Variants in CHKA observed in about 807,000 individuals in gnomAD.
CHKA encodes CHETK-alpha.
In CHKA, 34 loss-of-function variants were observed where a neutral mutation model predicts 60.1. That is an observed-to-expected ratio of 0.57 (90% confidence interval 0.43 to 0.75). The LOEUF is 0.75. CHKA is among the 30% of genes least tolerant of loss of function. The pLI is 0.00. For synonymous variants in CHKA, 217 were observed against 223.1 expected, an observed-to-expected ratio of 0.97 and a Z score of 0.24; for missense variants, 563 against 561.3, an observed-to-expected ratio of 1.00 and a Z score of -0.03.
intron 4 of CHKA, among the ~76,000 whole-genome samples, chr11:68,072,713 T>C (rs1188807300): frequency 2.0e-5 from 3 of 152,134 alleles, no homozygotes; most frequent in Non-Finnish European, 4.4e-5. Context: ...TCACTATGGC[T>C]GGGTGCAGTG....
chr11:68,070,539 G>A (rs1020479005), intron 5 of CHKA, among the ~76,000 whole-genome samples, 185 bp downstream of exon 5: 1 of 152,100 alleles, frequency 6.6e-6, no homozygotes, highest in African/African-American at 2.4e-5. Flanking sequence ...TTCTTTCCTG[G>A]TTTAGGAATT....
intron 1 of CHKA, among the ~76,000 whole-genome samples, chr11:68,102,986 T>A (rs1461954036): frequency 6.7e-6 from 1 of 148,418 alleles, no homozygotes; most frequent in Non-Finnish European, 1.5e-5. Flanking sequence ...AAAAAAAAAA[T>A]ATATTTGCCC....
At chr11:68,089,289 C>T (rs1857277465) in intron 2 of CHKA, among the ~76,000 whole-genome samples, 1 of 152,156 alleles carries the variant, frequency 6.6e-6, no homozygotes, top group African/African-American at 2.4e-5. Context: ...CTAAGTATCC[C>T]AAAGGTTGAC....
chr11:68,073,932 A>C (rs182645677), intron 4 of CHKA, among the ~76,000 whole-genome samples: 223 of 152,306 alleles, frequency 1.5e-3, no homozygotes, highest in African/African-American at 5.3e-3. Context: ...ATCTAGGAAG[A>C]GAGTGCAGGC....
intron 2 of CHKA, among the ~76,000 whole-genome samples, chr11:68,090,835 A>C (rs148111296): frequency 6.6e-6 from 1 of 152,208 alleles, no homozygotes; most frequent in East Asian, 1.9e-4. Context: ...GAGACCGCTC[A>C]TAACGGTGAG....
intron 3 of CHKA, 91 bp from the exon 4 acceptor site, chr11:68,074,921 C>A: frequency 1.8e-6 from 2 of 1,104,476 alleles, no homozygotes; most frequent in South Asian, 1.3e-5. Context: ...TTCATCTGAT[C>A]CTCATGAGTA....
chr11:68,110,027 T>A (rs1252172985), intron 1 of CHKA, among the ~76,000 whole-genome samples: 1 of 152,082 alleles, frequency 6.6e-6, no homozygotes, highest in Non-Finnish European at 1.5e-5. Context: ...AATCACATGA[T>A]CATATCAATA....
chr11:68,121,328 T>TGCGGCGGCG lies in CHKA; in HGVS notation c.-152_-151insCGCCGCCGC. On this transcript the variant is annotated 5_prime_UTR_variant, in exon 1 of 12. Transcript: ENST00000265689. ...GGGCGCGCGGGGCGGCGGCGGCGGCTGCGGCGACTGCGGCGACTGTGGAGC... is the reference window on the plus strand; with the variant it reads ...GGGCGCGCGGGGCGGCGGCGGCGGCTGCGGCGGCGGCGGCGACTGCGGCGACTGTGGAGC... 3.6e-6 allele frequency: 1 copy of TGCGGCGGCG among 281,142 alleles called. No individual in the cohort carries two copies. Among genetic ancestry groups the TGCGGCGGCG allele is most frequent in the Non-Finnish European group, 5.5e-6 (1 of 182,194 alleles). 17.4% of individuals were successfully genotyped at this position (281,142 alleles called of 1,614,324 possible).
At chr11:68,094,980 T>C (rs1185915402) in intron 2 of CHKA, among the ~76,000 whole-genome samples, 1 of 152,194 alleles carries the variant, frequency 6.6e-6, no homozygotes, top group Admixed American at 6.5e-5. Flanking sequence ...AAACATATAA[T>C]CAAATATCAT....
chr11:68,070,719 C>G lies in CHKA; in HGVS notation c.764+5G>C. ...ATGTTAGGACCAAGTGATTTGACCACTTACTTTTCCATTGTGCCAAAAAGC... is the reference window on the plus strand; with the variant it reads ...ATGTTAGGACCAAGTGATTTGACCAGTTACTTTTCCATTGTGCCAAAAAGC... On this transcript the variant is annotated splice_donor_5th_base_variant and intron_variant, in intron 5 of 11. Coordinates refer to ENST00000265689, the MANE Select transcript of CHKA (RefSeq NM_001277.3). 2.5e-6 allele frequency: 4 copies of G among 1,608,666 alleles called. No homozygotes were observed. Among genetic ancestry groups the G allele is most frequent in the Non-Finnish European group, 3.4e-6 (4 of 1,175,366 alleles).
intron 1 of CHKA, among the ~76,000 whole-genome samples, chr11:68,101,444 A>G (rs1857718876): frequency 6.6e-6 from 1 of 152,188 alleles, no homozygotes; most frequent in African/African-American, 2.4e-5. Context: ...AACTATGAGA[A>G]CTAATAAGTT....
At chr11:68,120,169 C>T (rs750277290) in intron 1 of CHKA, among the ~76,000 whole-genome samples, 2 of 149,522 alleles carry the variant, frequency 1.3e-5, no homozygotes, top group Non-Finnish European at 2.9e-5. Flanking sequence ...GCCGTGGTTG[C>T]AGTGAGCCGA....
chr11:68,121,355 G>T lies in CHKA; in HGVS notation c.-178C>A. 2 of 170,128 alleles carry T rather than the reference G, an allele frequency of 1.2e-5. No individual in the cohort carries two copies. The highest frequency in any genetic ancestry group is 2.3e-4 in the South Asian group (1 of 4,412). 10.5% of individuals were successfully genotyped at this position (170,128 alleles called of 1,614,324 possible). ...CGGCGACTGCGGCGACTGTGGAGCG[G>T]GGATGTGCTGCTGGCCGCTGCACTC... On this transcript the variant is annotated 5_prime_UTR_variant, in exon 1 of 12. Transcript: ENST00000265689.
chr11:68,081,683 C>T (rs576388261), intron 2 of CHKA: 71 of 460,556 alleles, frequency 1.5e-4, no homozygotes, highest in African/African-American at 1.1e-3. Context: ...AGGGATGTGC[C>T]GGTGAGACCC....
intron 6 of CHKA, 112 bp from the exon 7 acceptor site, chr11:68,069,049 TCA>T (rs1856533118): frequency 7.0e-6 from 5 of 718,218 alleles, no homozygotes; most frequent in Non-Finnish European, 9.7e-6. Context: ...ACACACAGTT[TCA>T]GAGTAGTATC....
chr11:68,120,805 C>A, intron 1 of CHKA, 23 bp downstream of exon 1: 1 of 1,188,056 alleles, frequency 8.4e-7, no homozygotes, highest in Non-Finnish European at 1.1e-6. Context: ...TGTCCCGCGG[C>A]CCCCAGACCC....
intron 4 of CHKA, among the ~76,000 whole-genome samples, chr11:68,071,134 T>C (rs1172184673): frequency 6.6e-6 from 1 of 152,268 alleles, no homozygotes; most frequent in African/African-American, 2.4e-5. Flanking sequence ...ATTGAACTAC[T>C]ACACTATCAT....
intron 1 of CHKA, among the ~76,000 whole-genome samples, chr11:68,119,737 G>A (rs1348703582): frequency 6.6e-6 from 1 of 152,074 alleles, no homozygotes; most frequent in East Asian, 1.9e-4. Context: ...CAAAGTGCTG[G>A]GATTACAGGC....
At chr11:68,085,025 A>T (rs532852360) in intron 2 of CHKA, among the ~76,000 whole-genome samples, 2 of 152,190 alleles carry the variant, frequency 1.3e-5, no homozygotes, top group Non-Finnish European at 2.9e-5. Context: ...AAAGGCACAC[A>T]ATAATGAAAA....
Sources: gnomAD v4.1 joint callset for allele counts (sites outside exome capture counted in the v4.1 genomes callset) on GRCh38, gnomAD v4.1.1 for gene constraint, MANE v1.5 for transcripts, NCBI Gene and HGNC (gene_info 2026-07-23, HGNC 2026-07-21) for gene names.